The following CACNA2D3 variants were observed in gnomAD, a reference collection of about 807,000 sequenced individuals.
CACNA2D3 encodes voltage-dependent calcium channel subunit alpha-2/delta-3.
CACNA2D3 carries 60 observed loss-of-function variants against 160.6 expected under a neutral mutation model. The observed-to-expected ratio is 0.37, with a 90% confidence interval of 0.30 to 0.46. The LOEUF (loss-of-function observed/expected upper bound fraction) is 0.46, where lower values mean the gene tolerates loss of function less well. CACNA2D3 is among the 20% of genes least tolerant of loss of function. CACNA2D3 has a pLI of 1.00. For synonymous variants in CACNA2D3, 558 were observed against 492.9 expected, an observed-to-expected ratio of 1.13 and a Z score of -1.75; for missense variants, 1,205 against 1,365.0, an observed-to-expected ratio of 0.88 and a Z score of 1.85.
chr3:54,650,283 C>G (rs1699735726), intron 11 of CACNA2D3, among the ~76,000 whole-genome samples: 1 of 152,066 alleles, frequency 6.6e-6, no homozygotes, highest in Admixed American at 6.6e-5. Flanking sequence ...ACTGCAACCT[C>G]CGCCTCCCGG....
At chr3:54,291,135 A>G (rs1449326833) in intron 2 of CACNA2D3, among the ~76,000 whole-genome samples, 1 of 152,146 alleles carries the variant, frequency 6.6e-6, no homozygotes, top group Admixed American at 6.5e-5. Context: ...CAAAATACAA[A>G]TTGTTGCTTT....
intron 4 of CACNA2D3, among the ~76,000 whole-genome samples, chr3:54,420,194 C>T (rs35645688): frequency 0.047 from 7,045 of 151,290 alleles, 227 homozygotes; most frequent in East Asian, 0.17. Context: ...AAGTGATTCT[C>T]CTGCCTCAGC....
At chr3:54,680,690 C>T (rs1402605131) in intron 11 of CACNA2D3, among the ~76,000 whole-genome samples, 2 of 152,192 alleles carry the variant, frequency 1.3e-5, no homozygotes, top group Admixed American at 6.5e-5. Flanking sequence ...AGAGGCTGTC[C>T]TCCCTGAGTG....
At chr3:54,389,055 A>C (rs1255193006) in intron 4 of CACNA2D3, among the ~76,000 whole-genome samples, 1 of 152,206 alleles carries the variant, frequency 6.6e-6, no homozygotes, top group Non-Finnish European at 1.5e-5. Context: ...CTGTAGTCCC[A>C]GCACGTTGGG....
intron 6 of CACNA2D3, among the ~76,000 whole-genome samples, chr3:54,568,093 G>A (rs188784116): frequency 2.6e-5 from 4 of 152,298 alleles, no homozygotes; most frequent in African/African-American, 7.2e-5. Flanking sequence ...TTGACCTTCA[G>A]TCTTGTATCA....
chr3:54,979,438 C>G (rs1179117379), intron 29 of CACNA2D3, among the ~76,000 whole-genome samples: 1 of 152,188 alleles, frequency 6.6e-6, no homozygotes, highest in African/African-American at 2.4e-5. Context: ...AGTTAAGATA[C>G]TCTCAAATAG....
intron 8 of CACNA2D3, among the ~76,000 whole-genome samples, chr3:54,570,823 G>A (rs1702484295): frequency 6.6e-6 from 1 of 152,056 alleles, no homozygotes; most frequent in Admixed American, 6.6e-5. Flanking sequence ...GCCTGGAAAT[G>A]ACCACTTATT....
chr3:54,684,114 C>A (rs1270706176), intron 11 of CACNA2D3, among the ~76,000 whole-genome samples: 2 of 151,912 alleles, frequency 1.3e-5, no homozygotes, highest in Admixed American at 6.6e-5. Context: ...CACGCCGCAA[C>A]CATGCCCGGC....
chr3:54,862,401 A>ACG (rs1699311565), intron 17 of CACNA2D3, among the ~76,000 whole-genome samples: 2 of 151,168 alleles, frequency 1.3e-5, no homozygotes, highest in South Asian at 2.1e-4. Context: ...ACACACACAC[A>ACG]CACGCACACA....
chr3:55,070,912 TC>T (rs1218341668), intron 35 of CACNA2D3, among the ~76,000 whole-genome samples: 2 of 152,160 alleles, frequency 1.3e-5, no homozygotes, highest in African/African-American at 2.4e-5. Context: ...GTGTTGCAGT[TC>T]CCTGTGTTTG....
At chr3:54,670,889 C>A (rs1291697114) in intron 11 of CACNA2D3, among the ~76,000 whole-genome samples, 2 of 152,154 alleles carry the variant, frequency 1.3e-5, no homozygotes, top group Non-Finnish European at 2.9e-5. Context: ...ATCTGCCCAT[C>A]AACCCCAGAT....
At chr3:55,068,447 T>C (rs952233116) in intron 35 of CACNA2D3, among the ~76,000 whole-genome samples, 1 of 152,228 alleles carries the variant, frequency 6.6e-6, no homozygotes, top group East Asian at 1.9e-4. Context: ...GCTCTACTTA[T>C]TGAGTCCATT....
At chr3:54,193,490 G>A (rs529023725) in intron 2 of CACNA2D3, among the ~76,000 whole-genome samples, 16 of 152,148 alleles carry the variant, frequency 1.1e-4, no homozygotes, top group African/African-American at 3.9e-4. Context: ...TAATTACCAG[G>A]TGCTTGCTAA....
intron 9 of CACNA2D3, chr3:54,626,272 G>T (rs1699098739): frequency 8.0e-6 from 11 of 1,381,534 alleles, no homozygotes; most frequent in Non-Finnish European, 1.1e-5. Context: ...CCGTGGCGTG[G>T]ACCTGGACCA....
intron 5 of CACNA2D3, among the ~76,000 whole-genome samples, chr3:54,538,528 A>G (rs1459732004): frequency 6.6e-6 from 1 of 152,070 alleles, no homozygotes; most frequent in Non-Finnish European, 1.5e-5. Context: ...TGTGGGCTGT[A>G]ATGCTCCTCT....
intron 29 of CACNA2D3, among the ~76,000 whole-genome samples, chr3:54,971,263 G>A (rs1050762268): frequency 6.6e-6 from 1 of 152,192 alleles, no homozygotes; most frequent in Admixed American, 6.5e-5. Context: ...ATTTTTGTAG[G>A]ATAGTCAAGT....
intron 2 of CACNA2D3, among the ~76,000 whole-genome samples, chr3:54,226,177 G>T (rs938118975): frequency 6.6e-6 from 1 of 152,102 alleles, no homozygotes; most frequent in Admixed American, 6.5e-5. Context: ...CCTTTTGATA[G>T]CTACTCTCAG....
intron 13 of CACNA2D3, among the ~76,000 whole-genome samples, chr3:54,801,375 T>C (rs563641749): frequency 1.3e-5 from 2 of 152,200 alleles, no homozygotes; most frequent in East Asian, 3.9e-4. Context: ...GAGTGTAACT[T>C]GGGACAACTT....
At position 54,138,521 on chromosome 3, in the gene CACNA2D3, G is replaced by T. The variant is rs551099428; in HGVS notation, c.204+14927G>T. ...CCCACTGCATCCGGTGTTTGTTATT[G>T]TACTTGCTGGACAAATACTTGTTTT... On this transcript the variant is annotated intron_variant, in intron 2 of 37. Coordinates refer to ENST00000474759, the MANE Select transcript of CACNA2D3 (RefSeq NM_018398.3). Among the ~76,000 whole-genome samples, 21 of 152,336 alleles carry T rather than the reference G, an allele frequency of 1.4e-4. No individual in the cohort carries two copies. The South Asian group carries it at 3.5e-3, about 26-fold the overall frequency.
Sources: gnomAD v4.1 joint callset for allele counts (sites outside exome capture counted in the v4.1 genomes callset) on GRCh38, gnomAD v4.1.1 for gene constraint, MANE v1.5 for transcripts, NCBI Gene and HGNC (gene_info 2026-07-23, HGNC 2026-07-21) for gene names.